Variants in NPIPB2 observed in about 807,000 individuals in gnomAD.
NPIPB2 encodes the protein nuclear pore complex interacting protein family member B2.
NPIPB2 carries 27 observed loss-of-function variants against 30.8 expected under a neutral mutation model. The ratio of observed to expected loss-of-function variants is 0.88; its 90% CI spans 0.65 to 1.21. NPIPB2 has a LOEUF of 1.21. Among genes scored for constraint, NPIPB2 ranks in the 50% most tolerant of loss-of-function variants. The probability of loss-of-function intolerance (pLI) is 0.00; values close to 1 mark genes in which losing one functional copy is unlikely to be tolerated. For missense variants in NPIPB2, 440 were observed against 446.2 expected (o/e 0.99, Z 0.13); for synonymous variants, 147 against 162.0 (o/e 0.91, Z 0.70).
Position 11,970,059 on chromosome 16 carries a change from C to T in NPIPB2, c.-584+6509G>A, listed in dbSNP as rs369620286. 1.9e-4 allele frequency among the ~76,000 whole-genome samples: 29 copies of T among 151,898 alleles called. No individual in the cohort carries two copies. The East Asian group carries it at 2.2e-3, about 11-fold the overall frequency. On this transcript the variant is annotated intron_variant, in intron 1 of 5. Coordinates refer to the NPIPB2 transcript ENST00000538896. ...ACTCATTTTAAGCACACAAAAACTC[C>T]TGGGTATGGCCGGGTGTGGTGGCTC...
chr16:11,956,917 T>C (rs973558253), intron 1 of NPIPB2, among the ~76,000 whole-genome samples: 1 of 152,224 alleles, frequency 6.6e-6, no homozygotes, highest in Non-Finnish European at 1.5e-5. Flanking sequence ...GCTCCACAGC[T>C]GGCCCTGCCT....
chr16:11,969,677 C>G (rs1182935528), intron 1 of NPIPB2, among the ~76,000 whole-genome samples: 2 of 152,218 alleles, frequency 1.3e-5, no homozygotes, highest in Admixed American at 6.5e-5. Flanking sequence ...GAGCTTCCAG[C>G]TTAATGAAAG....
intron 1 of NPIPB2, among the ~76,000 whole-genome samples, chr16:11,940,531 G>C (rs1293027698): frequency 1.3e-5 from 2 of 148,148 alleles, no homozygotes; most frequent in African/African-American, 2.5e-5. Context: ...GAGGTCAAGA[G>C]ATGGAGACTA....
intron 1 of NPIPB2, among the ~76,000 whole-genome samples, chr16:11,955,297 T>C (rs1355011967): frequency 7.5e-6 from 1 of 132,850 alleles, no homozygotes; most frequent in African/African-American, 3.0e-5. Context: ...GGGTTTGCAG[T>C]GAACCAAGAT....
At chr16:11,965,020 T>C (rs1433039788) in intron 1 of NPIPB2, 6 of 411,446 alleles carry the variant, frequency 1.5e-5, no homozygotes, top group African/African-American at 4.0e-5. Context: ...AACTGTCACC[T>C]GGCTGAGAAA....
exon 3 of NPIPB2, chr16:11,933,872 G>T: frequency 6.4e-7 from 1 of 1,568,970 alleles, no homozygotes; most frequent in Non-Finnish European, 8.7e-7. Context: ...CTGTACATCT[G>T]TGGATACATC....
At chr16:11,966,148 A>C (rs1426683590) in intron 1 of NPIPB2, 1 of 1,524,146 alleles carries the variant, frequency 6.6e-7, no homozygotes, top group African/African-American at 1.4e-5. Context: ...AAGTATGTGA[A>C]TATTATGTTA....
At chr16:11,952,667 C>T (rs150636320) in intron 1 of NPIPB2, among the ~76,000 whole-genome samples, 2 of 151,238 alleles carry the variant, frequency 1.3e-5, no homozygotes, top group African/African-American at 4.8e-5. Flanking sequence ...AGGATTCAAG[C>T]GATTCTCCTT....
intron 1 of NPIPB2, chr16:11,941,099 G>C (rs1334704154): frequency 3.2e-5 from 45 of 1,392,878 alleles, no homozygotes; most frequent in Non-Finnish European, 3.6e-5. Flanking sequence ...GGCCTGAGCT[G>C]TGTAATTTCA....
At chr16:11,955,431 C>T (rs1289104889) in intron 1 of NPIPB2, among the ~76,000 whole-genome samples, 2 of 150,596 alleles carry the variant, frequency 1.3e-5, no homozygotes, top group African/African-American at 4.9e-5. Context: ...CCATTCTGGC[C>T]AGGCGTGGTG....
At chr16:11,944,077 G>A (rs931493858), upstream of NPIPB2, among the ~76,000 whole-genome samples, 5 of 150,328 alleles carry the variant, frequency 3.3e-5, no homozygotes, top group Admixed American at 1.3e-4. Context: ...TGTGATACTC[G>A]GTACATTACC....
chr16:11,973,862 G>A (rs1016447234), intron 1 of NPIPB2, among the ~76,000 whole-genome samples: 1 of 152,198 alleles, frequency 6.6e-6, no homozygotes, highest in African/African-American at 2.4e-5. Context: ...ATGGGACTGG[G>A]GAGAAGAGGA....
intron 1 of NPIPB2, among the ~76,000 whole-genome samples, chr16:11,950,660 G>A (rs80223890): frequency 0.017 from 2,660 of 152,210 alleles, 75 homozygotes; most frequent in African/African-American, 0.06. Context: ...GTGAATAACA[G>A]TGAACAACTT....
rs113542863 is a variant in NPIPB2, at chr16:11,968,055, CT to C, written c.-584+8512del. On this transcript the variant is annotated intron_variant, in intron 1 of 5. Transcript: ENST00000538896. ...ACTTCCTTGGTTTCATGATTAAACTCTTTTTTTTCCTGACATCTAAGTTTTT... is the reference window on the plus strand; with the variant it reads ...ACTTCCTTGGTTTCATGATTAAACTCTTTTTTTCCTGACATCTAAGTTTTT... 3.9e-5 allele frequency: 20 copies of C among 508,838 alleles called. No individual in the cohort carries two copies. The Middle Eastern group carries it at 1.6e-3, about 41-fold the overall frequency. 31.5% of individuals were successfully genotyped at this position (508,838 alleles called of 1,614,324 possible). A position where few individuals can be genotyped will look rare whatever the true frequency, so the allele number is the denominator to read the frequency against.
chr16:11,951,621 C>CCCAT (rs1289746718), intron 1 of NPIPB2, among the ~76,000 whole-genome samples: 9 of 114,954 alleles, frequency 7.8e-5, no homozygotes, highest in African/African-American at 3.0e-4. Flanking sequence ...ACTGCACATA[C>CCCAT]ACATACACAC....
intron 1 of NPIPB2, among the ~76,000 whole-genome samples, chr16:11,940,756 T>C (rs2054927314): frequency 1.5e-5 from 1 of 68,186 alleles, no homozygotes; most frequent in African/African-American, 6.3e-5. Flanking sequence ...TGAGACTCTG[T>C]CTAAAAAAAA....
At chr16:11,949,421 T>C (rs929191594) in intron 1 of NPIPB2, among the ~76,000 whole-genome samples, 1 of 152,198 alleles carries the variant, frequency 6.6e-6, no homozygotes, top group Non-Finnish European at 1.5e-5. Context: ...CAGGCTCATG[T>C]GACACCAGGG....
At chr16:11,975,413 C>T (rs1297847466) in intron 1 of NPIPB2, among the ~76,000 whole-genome samples, 2 of 151,748 alleles carry the variant, frequency 1.3e-5, no homozygotes, top group Non-Finnish European at 1.5e-5. Flanking sequence ...TCCCAAAGTG[C>T]TGGGATTACA....
Position 11,932,355 on chromosome 16 carries a change from A to G in NPIPB2, c.488+1162T>C, listed in dbSNP as rs1259105615. ...GTGAAAATGAATCTGGAGGTGACCC[A>G]AGCATTGAATTCAACAATCCAGGCT... On this transcript the variant is annotated intron_variant, in intron 4 of 7. Coordinates refer to ENST00000399147, the Ensembl canonical transcript of NPIPB2. 2.7e-5 allele frequency among the ~76,000 whole-genome samples: 4 copies of G among 150,232 alleles called. No individual in the cohort carries two copies. The East Asian group carries it at 7.9e-4, about 30-fold the overall frequency.
Sources: allele counts gnomAD v4.1 joint callset (sites outside exome capture counted in the v4.1 genomes callset), GRCh38; gene constraint gnomAD v4.1.1; transcripts MANE v1.5; gene names NCBI Gene and HGNC (gene_info 2026-07-23, HGNC 2026-07-21).